Variants in SNTB2 observed in about 807,000 individuals in gnomAD.
SNTB2 encodes syntrophin beta 2, also known as beta-2-syntrophin.
Under a neutral mutation model 46.2 loss-of-function variants are expected in SNTB2, and 34 were observed. The ratio of observed to expected loss-of-function variants is 0.74; its 90% CI spans 0.56 to 0.98. The LOEUF (loss-of-function observed/expected upper bound fraction) is 0.98, where lower values mean the gene tolerates loss of function less well. Among genes scored for constraint, SNTB2 ranks in the 50% least tolerant of loss-of-function variants. The pLI is 0.00. For missense variants in SNTB2, 603 were observed against 731.4 expected, an observed-to-expected ratio of 0.82 and a Z score of 2.02; for synonymous variants, 290 against 312.6, an observed-to-expected ratio of 0.93 and a Z score of 0.76.
intron 1 of SNTB2, among the ~76,000 whole-genome samples, chr16:69,220,974 A>G (rs542858229): frequency 6.6e-6 from 1 of 152,302 alleles, no homozygotes; most frequent in East Asian, 1.9e-4. Context: ...GTCTCTAGCA[A>G]CCACTACTTT....
intron 3 of SNTB2, among the ~76,000 whole-genome samples, chr16:69,268,045 G>A (rs1964902924): frequency 6.6e-6 from 1 of 152,122 alleles, no homozygotes; most frequent in African/African-American, 2.4e-5. Context: ...TGGCTTTTTG[G>A]CCTTGGATCC....
chr16:69,244,374 A>T (rs1408125456), intron 1 of SNTB2, among the ~76,000 whole-genome samples: 1 of 152,240 alleles, frequency 6.6e-6, no homozygotes, highest in Non-Finnish European at 1.5e-5. Flanking sequence ...CATACCAGGC[A>T]TCTCTTTGAA....
At chr16:69,278,873 G>A (rs1044914518) in intron 4 of SNTB2, among the ~76,000 whole-genome samples, 2 of 146,478 alleles carry the variant, frequency 1.4e-5, no homozygotes, top group Admixed American at 7.0e-5. Flanking sequence ...GTTTATTGAT[G>A]GACAGAGGTG....
intron 2 of SNTB2, among the ~76,000 whole-genome samples, chr16:69,249,814 T>A (rs1466503706): frequency 6.6e-6 from 1 of 152,138 alleles, no homozygotes; most frequent in Non-Finnish European, 1.5e-5. Context: ...GATATCAAAA[T>A]TTGGCCGGGT....
rs576611031 is a variant in SNTB2 at position 69,233,857 on chromosome 16, G to C, written c.581-11745G>C. 6.8e-4 allele frequency among the ~76,000 whole-genome samples: 103 copies of C among 152,138 alleles called. No individual in the cohort carries two copies. In the Middle Eastern group the frequency reaches 0.01, roughly 15 times the overall value. On this transcript the variant is annotated intron_variant, in intron 1 of 6. Coordinates refer to ENST00000336278, the MANE Select transcript of SNTB2 (RefSeq NM_006750.4). ...CCAGGTACAGTGGTGCATACCTGTAGTCCTAATTACTCAAGCGGCTGAGGC... is the reference window on the plus strand; with the variant it reads ...CCAGGTACAGTGGTGCATACCTGTACTCCTAATTACTCAAGCGGCTGAGGC...
chr16:69,188,464 G>A (rs1205534876), intron 1 of SNTB2, among the ~76,000 whole-genome samples: 1 of 152,198 alleles, frequency 6.6e-6, no homozygotes, highest in Non-Finnish European at 1.5e-5. Context: ...ACTTGAAATG[G>A]CAAATCACAA....
At chr16:69,259,528 C>T (rs1964814730) in intron 2 of SNTB2, among the ~76,000 whole-genome samples, 1 of 151,578 alleles carries the variant, frequency 6.6e-6, no homozygotes, top group Admixed American at 6.6e-5. Flanking sequence ...AGCCACCGTG[C>T]CCGGCCTCTG....
At chr16:69,280,973 A>G (rs1360475877) in intron 4 of SNTB2, among the ~76,000 whole-genome samples, 1 of 151,506 alleles carries the variant, frequency 6.6e-6, no homozygotes, top group Non-Finnish European at 1.5e-5. Context: ...AATTTTTTGT[A>G]TTTTTGGTAG....
At chr16:69,248,435 A>AC (rs1964691810) in intron 2 of SNTB2, among the ~76,000 whole-genome samples, 1 of 152,102 alleles carries the variant, frequency 6.6e-6, no homozygotes, top group African/African-American at 2.4e-5. Flanking sequence ...GGAGTTCAAG[A>AC]CCAGCCTGGC....
At chr16:69,230,747 C>CTT (rs564432836) in intron 1 of SNTB2, among the ~76,000 whole-genome samples, 2,627 of 136,770 alleles carry the variant, frequency 0.019, 41 homozygotes, top group Non-Finnish European at 0.03. Context: ...CCGTTTCTTT[C>CTT]TTTTTTTTTT....
At chr16:69,250,113 A>G (rs1463794002) in intron 2 of SNTB2, among the ~76,000 whole-genome samples, 1 of 152,200 alleles carries the variant, frequency 6.6e-6, no homozygotes, top group Non-Finnish European at 1.5e-5. Context: ...AATTTTGCAA[A>G]TGATTTGCTT....
intron 6 of SNTB2, among the ~76,000 whole-genome samples, chr16:69,300,046 G>A (rs1401001164): frequency 2.0e-5 from 3 of 148,666 alleles, no homozygotes; most frequent in Admixed American, 6.7e-5. Context: ...ATAGGTGTGT[G>A]CCACCATGCC....
chr16:69,202,195 T>A (rs1167605043), intron 1 of SNTB2, among the ~76,000 whole-genome samples: 1 of 152,206 alleles, frequency 6.6e-6, no homozygotes, highest in Non-Finnish European at 1.5e-5. Context: ...GTCTCCTCTG[T>A]TCTCTGACTT....
chr16:69,231,864 A>G (rs1299849887), intron 1 of SNTB2, among the ~76,000 whole-genome samples: 3 of 152,240 alleles, frequency 2.0e-5, no homozygotes, highest in East Asian at 1.9e-4. Context: ...AGAAGCTTGC[A>G]TATTCTTTTG....
intron 3 of SNTB2, among the ~76,000 whole-genome samples, chr16:69,265,267 A>G (rs1425877711): frequency 1.3e-5 from 2 of 152,156 alleles, no homozygotes; most frequent in Non-Finnish European, 2.9e-5. Context: ...AAAAGGCAAG[A>G]CAACCAAGGA....
chr16:69,261,181 G>A lies in SNTB2; in HGVS notation c.1005+921G>A, dbSNP rs534785954. On this transcript the variant is annotated intron_variant, in intron 3 of 6. Coordinates refer to ENST00000336278, the MANE Select transcript of SNTB2 (RefSeq NM_006750.4). ...TTGTGTGTGCAAAGGGCCAGGGAGT[G>A]GACTAAATAACTGGTTTCCAAAAAA... is the stretch of plus-strand genomic sequence containing the variant. Among the ~76,000 whole-genome samples, 105 of 151,828 alleles carry A rather than the reference G, an allele frequency of 6.9e-4. 1 individual carries two copies. Among genetic ancestry groups the A allele is most frequent in the Non-Finnish European group, 2.8e-4 (19 of 67,986 alleles).
chr16:69,191,301 A>C (rs916026148), intron 1 of SNTB2: 4 of 146,260 alleles, frequency 2.7e-5, no homozygotes, highest in African/African-American at 1.0e-4. Context: ...GTAATCCAGC[A>C]CTTTGGGAGA....
At chr16:69,211,621 T>G (rs1374125691) in intron 1 of SNTB2, among the ~76,000 whole-genome samples, 1 of 152,032 alleles carries the variant, frequency 6.6e-6, no homozygotes, top group Non-Finnish European at 1.5e-5. Context: ...TTAATTGGTT[T>G]GTTTGTTTTA....
rs1965326344 is a variant in SNTB2, at chr16:69,307,714, G to C, written c.*6790G>C. ...TAAAAATTAACAAAATCAGGCCAAG[G>C]CAGGAGGATCACTTTAGCCCAGGAG... On this transcript the variant is annotated 3_prime_UTR_variant, in exon 7 of 7. Coordinates refer to ENST00000336278, the MANE Select transcript of SNTB2 (RefSeq NM_006750.4). 1 of 150,992 alleles carries C rather than the reference G, an allele frequency of 6.6e-6. No homozygotes were observed. The highest frequency in any genetic ancestry group is 2.4e-5 in the African/African-American group (1 of 41,006). The allele number at this position is 150,992 out of a possible 1,614,324, so 9.4% of individuals were successfully genotyped here. A position where few individuals can be genotyped will look rare whatever the true frequency, so the allele number is the denominator to read the frequency against.
Sources: allele counts gnomAD v4.1 joint callset (sites outside exome capture counted in the v4.1 genomes callset), GRCh38; gene constraint gnomAD v4.1.1; transcripts MANE v1.5; gene names NCBI Gene and HGNC (gene_info 2026-07-23, HGNC 2026-07-21).